Variants in TACR1 observed in about 807,000 individuals in gnomAD.
TACR1 encodes the protein tachykinin receptor 1.
In TACR1, 25 loss-of-function variants were observed where a neutral mutation model predicts 35.8. That is an observed-to-expected ratio of 0.70 (90% confidence interval 0.51 to 0.98). The LOEUF is 0.98. Ranked by LOEUF, TACR1 falls within the 50% of genes least tolerant of loss-of-function variation. The pLI is 0.00. For missense variants in TACR1, 478 were observed against 522.9 expected, an observed-to-expected ratio of 0.91 and a Z score of 0.84; for synonymous variants, 195 against 206.7, an observed-to-expected ratio of 0.94 and a Z score of 0.48.
intron 1 of TACR1, among the ~76,000 whole-genome samples, chr2:75,125,668 A>G (rs933267342): frequency 1.1e-4 from 17 of 152,198 alleles, no homozygotes; most frequent in African/African-American, 4.1e-4. Context: ...GGAGAAAAAC[A>G]TACATGTTAT....
chr2:75,148,062 A>G (rs184025232), intron 1 of TACR1, among the ~76,000 whole-genome samples: 65 of 152,220 alleles, frequency 4.3e-4, no homozygotes, highest in African/African-American at 1.4e-3. Context: ...ATTCCTTTTA[A>G]TGGCTGCATA....
chr2:75,166,873 C>T (rs1202486523), intron 1 of TACR1, among the ~76,000 whole-genome samples: 1 of 152,202 alleles, frequency 6.6e-6, no homozygotes, highest in Non-Finnish European at 1.5e-5. Flanking sequence ...GATGCAGCTG[C>T]TGTGCTGCAT....
At chr2:75,117,185 C>G (rs958505604) in intron 2 of TACR1, among the ~76,000 whole-genome samples, 1 of 150,792 alleles carries the variant, frequency 6.6e-6, no homozygotes, top group Non-Finnish European at 1.5e-5. Flanking sequence ...TGTTCAAAAC[C>G]TTTGCTCATT....
chr2:75,132,092 C>G lies in TACR1; in HGVS notation c.390-11324G>C, dbSNP rs540230105. ...TTAATTTGGAAATTCTTGATTGGCT[C>G]TTAGGAATATTTTGATTAGAGGAAA... On this transcript the variant is annotated intron_variant, in intron 1 of 4. Transcript: ENST00000305249. Among the ~76,000 whole-genome samples the G allele has an allele frequency of 8.4e-4, 127 of 152,030 alleles. 2 individuals carry two copies. Among genetic ancestry groups the G allele is most frequent in the Admixed American group, 5.2e-4 (8 of 15,276 alleles).
At chr2:75,131,046 A>G (rs1674167646) in intron 1 of TACR1, among the ~76,000 whole-genome samples, 1 of 152,140 alleles carries the variant, frequency 6.6e-6, no homozygotes, top group East Asian at 1.9e-4. Flanking sequence ...GTGTCATCAG[A>G]GTTTTCAAAT....
At chr2:75,080,672 GTCTTTTA>G (rs966785091) in intron 2 of TACR1, among the ~76,000 whole-genome samples, 2 of 152,168 alleles carry the variant, frequency 1.3e-5, no homozygotes, top group African/African-American at 4.8e-5. Flanking sequence ...GCTTAAATAA[GTCTTTTA>G]TCCTTTCCTA....
intron 1 of TACR1, among the ~76,000 whole-genome samples, chr2:75,124,613 T>C (rs1674037937): frequency 6.6e-6 from 1 of 152,230 alleles, no homozygotes; most frequent in Non-Finnish European, 1.5e-5. Flanking sequence ...TTACATATTT[T>C]GAGTTTTGTG....
chr2:75,098,925 T>C (rs1304036026), intron 2 of TACR1, among the ~76,000 whole-genome samples: 1 of 151,886 alleles, frequency 6.6e-6, no homozygotes, highest in Non-Finnish European at 1.5e-5. Context: ...TTTTTTTTTT[T>C]CTTTTCTTGC....
intron 1 of TACR1, among the ~76,000 whole-genome samples, chr2:75,151,844 C>G (rs575583055): frequency 6.6e-6 from 1 of 151,624 alleles, no homozygotes; most frequent in Non-Finnish European, 1.5e-5. Context: ...TGCAAAGCCA[C>G]AGGCATGGAG....
chr2:75,074,429 A>G (rs555656195), intron 2 of TACR1, among the ~76,000 whole-genome samples: 522 of 152,268 alleles, frequency 3.4e-3, no homozygotes, highest in South Asian at 5.0e-3. Context: ...CTCAGATTTC[A>G]TGTCCGTATA....
In TACR1 at chr2:75,048,136, G is replaced by GT. The variant is rs1672396100; in HGVS notation, c.*1295_*1296insA. 6.6e-6 allele frequency: 1 copy of GT among 152,272 alleles called. No individual in the cohort carries two copies. The highest frequency in any genetic ancestry group is 2.1e-4 in the South Asian group (1 of 4,832). 9.4% of individuals were successfully genotyped at this position (152,272 alleles called of 1,614,324 possible). A position where few individuals can be genotyped will look rare whatever the true frequency, so the allele number is the denominator to read the frequency against. On this transcript the variant is annotated 3_prime_UTR_variant, in exon 5 of 5. Coordinates refer to ENST00000305249, the MANE Select transcript of TACR1 (RefSeq NM_001058.4). The stretch of plus-strand genomic sequence containing the variant: ...AGGAAGCTGGCAAAGCCATGGAGCA[G>GT]GGAGGAGACATTCAGAGAGTCTGAA...
Position 75,117,412 on chromosome 2 carries a change from T to A in TACR1, c.584+3162A>T, listed in dbSNP as rs151209733. Among the ~76,000 whole-genome samples, 177 of 152,300 alleles carry A rather than the reference T, an allele frequency of 1.2e-3. No homozygotes were observed. In the Middle Eastern group the frequency reaches 0.024, roughly 20 times the overall value. On this transcript the variant is annotated intron_variant, in intron 2 of 4. Coordinates refer to ENST00000305249, the MANE Select transcript of TACR1 (RefSeq NM_001058.4). ...ACAATTATTCATCAATTAAATTGGGTCTAAGCATCTTCCCATCACACTGTT... is the reference window on the plus strand; with the variant it reads ...ACAATTATTCATCAATTAAATTGGGACTAAGCATCTTCCCATCACACTGTT...
intron 2 of TACR1, among the ~76,000 whole-genome samples, chr2:75,092,563 A>G (rs893310185): frequency 6.6e-6 from 1 of 152,174 alleles, no homozygotes; most frequent in Non-Finnish European, 1.5e-5. Flanking sequence ...CAAGAGATTC[A>G]TAGATGGATC....
intron 1 of TACR1, chr2:75,156,434 C>CAAAAAAAAAAAA (rs60552665): frequency 1.8e-5 from 2 of 112,138 alleles, no homozygotes; most frequent in African/African-American, 3.4e-5. Flanking sequence ...ACCAAAAATA[C>CAAAAAAAAAAAA]AAAAAAAAAA....
chr2:75,125,687 T>G (rs1191421139), intron 1 of TACR1, among the ~76,000 whole-genome samples: 1 of 152,176 alleles, frequency 6.6e-6, no homozygotes, highest in African/African-American at 2.4e-5. Flanking sequence ...ATACCTTTAT[T>G]CCTCCCAGTC....
chr2:75,057,890 A>G (rs943806239), intron 2 of TACR1, among the ~76,000 whole-genome samples: 1 of 152,360 alleles, frequency 6.6e-6, no homozygotes, highest in East Asian at 1.9e-4. Flanking sequence ...AAATTTTGTT[A>G]TACATATTTT....
chr2:75,102,381 G>A (rs994164515), intron 2 of TACR1, among the ~76,000 whole-genome samples: 8 of 152,134 alleles, frequency 5.3e-5, no homozygotes, highest in Non-Finnish European at 8.8e-5. Context: ...GATTTGTTAC[G>A]CAGCAGGAAC....
chr2:75,144,456 G>A (rs535270470), intron 1 of TACR1, among the ~76,000 whole-genome samples: 3 of 152,260 alleles, frequency 2.0e-5, no homozygotes, highest in East Asian at 3.9e-4. Flanking sequence ...CATCCCCACA[G>A]CCTCATAGAG....
chr2:75,110,269 CT>C (rs1673725934), intron 2 of TACR1, among the ~76,000 whole-genome samples: 3 of 151,140 alleles, frequency 2.0e-5, no homozygotes, highest in Admixed American at 2.0e-4. Flanking sequence ...TTCATTTTAT[CT>C]CATCTTTTTA....
Sources: allele counts gnomAD v4.1 joint callset (sites outside exome capture counted in the v4.1 genomes callset), GRCh38; gene constraint gnomAD v4.1.1; transcripts MANE v1.5; gene names NCBI Gene and HGNC (gene_info 2026-07-23, HGNC 2026-07-21).